The following GRHL2 variants were observed in gnomAD, a reference collection of about 807,000 sequenced individuals.
GRHL2 encodes the protein grainyhead-like protein 2 homolog.
Under a neutral mutation model 83.8 loss-of-function variants are expected in GRHL2, and 21 were observed. That is an observed-to-expected ratio of 0.25 (90% confidence interval 0.18 to 0.36). The LOEUF is 0.36. Among genes scored for constraint, GRHL2 ranks in the 10% least tolerant of loss-of-function variants. The probability of loss-of-function intolerance (pLI) is 1.00; values close to 1 mark genes in which losing one functional copy is unlikely to be tolerated. For missense variants in GRHL2, 623 were observed against 781.8 expected (o/e 0.80, Z 2.42); for synonymous variants, 280 against 278.9 (o/e 1.00, Z -0.04).
intron 7 of GRHL2, among the ~76,000 whole-genome samples, chr8:101,594,963 C>T (rs1462078696): frequency 1.3e-5 from 2 of 152,152 alleles, no homozygotes; most frequent in African/African-American, 4.8e-5. Context: ...AATGGAACCA[C>T]CCAATAAAAA....
rs1422002811 is a variant in GRHL2, at chr8:101,562,399, T to G, written c.678+3587T>G. On this transcript the variant is annotated intron_variant, in intron 4 of 15. Coordinates refer to ENST00000646743, the MANE Select transcript of GRHL2 (RefSeq NM_024915.4). ...TTTTATGACATTTAGATTTGCAAAA[T>G]CTGAACACCTTGCAATTATTGTGGA... is the stretch of plus-strand genomic sequence containing the variant. 4.9e-6 allele frequency: 3 copies of G among 614,494 alleles called. No individual in the cohort carries two copies. In the East Asian group the frequency reaches 1.0e-4, roughly 21 times the overall value. The allele number at this position is 614,494 out of a possible 1,614,324, so 38.1% of individuals were successfully genotyped here.
At chr8:101,546,199 G>A (rs1811262274) in intron 2 of GRHL2, among the ~76,000 whole-genome samples, 1 of 151,960 alleles carries the variant, frequency 6.6e-6, no homozygotes, top group Non-Finnish European at 1.5e-5. Flanking sequence ...CTTTTATAAT[G>A]TTAAATTAAT....
intron 1 of GRHL2, among the ~76,000 whole-genome samples, chr8:101,525,004 G>A (rs1016610120): frequency 2.6e-5 from 4 of 151,668 alleles, no homozygotes; most frequent in Admixed American, 2.0e-4. Flanking sequence ...GTGCAATGGC[G>A]CGATCTCGGC....
intron 1 of GRHL2, among the ~76,000 whole-genome samples, chr8:101,527,509 C>T (rs1343095324): frequency 1.3e-5 from 2 of 152,174 alleles, no homozygotes; most frequent in Non-Finnish European, 2.9e-5. Flanking sequence ...CCCACTACAC[C>T]TTTTAAACAA....
intron 7 of GRHL2, among the ~76,000 whole-genome samples, chr8:101,585,860 G>A (rs1586120431): frequency 1.3e-5 from 2 of 152,060 alleles, no homozygotes; most frequent in East Asian, 3.9e-4. Context: ...ACCTGTCTCA[G>A]GATGAATCCT....
At chr8:101,577,671 C>G in intron 7 of GRHL2, 152 bp downstream of exon 7, 1 of 691,044 alleles carries the variant, frequency 1.4e-6, no homozygotes, top group South Asian at 1.5e-5. Flanking sequence ...TAGTGCAGAT[C>G]AGACTGAGTA....
At chr8:101,539,279 T>C (rs1022413982) in intron 1 of GRHL2, among the ~76,000 whole-genome samples, 1 of 152,198 alleles carries the variant, frequency 6.6e-6, no homozygotes, top group African/African-American at 2.4e-5. Context: ...CAGAGTAAAA[T>C]CCTCATCCTT....
rs1407855384 is a variant in GRHL2, at chr8:101,624,353, A to G, written c.1257+4656A>G. 3.3e-5 allele frequency among the ~76,000 whole-genome samples: 5 copies of G among 151,352 alleles called. No individual in the cohort carries two copies. In the East Asian group the frequency reaches 7.9e-4, roughly 24 times the overall value. ...CTGGTAGGACAGTAGGACAGTACAC[A>G]GTAGAACAGTGTAGGGCAGTTCAGA... is the stretch of plus-strand genomic sequence containing the variant. On this transcript the variant is annotated intron_variant, in intron 9 of 15. Coordinates refer to ENST00000646743, the MANE Select transcript of GRHL2 (RefSeq NM_024915.4).
chr8:101,653,616 G>A (rs35365856), intron 14 of GRHL2, among the ~76,000 whole-genome samples: 60,057 of 151,846 alleles, frequency 0.4, 14,338 homozygotes, highest in African/African-American at 0.67. Context: ...GCTGGCATGC[G>A]CTGTAGTCCC....
intron 9 of GRHL2, among the ~76,000 whole-genome samples, chr8:101,630,285 TAAAC>T (rs990777575): frequency 2.0e-5 from 3 of 152,158 alleles, no homozygotes; most frequent in Admixed American, 6.6e-5. Context: ...GCCAATTTGA[TAAAC>T]AAAAAATATA....
At chr8:101,566,840 C>A (rs1811729999) in intron 4 of GRHL2, among the ~76,000 whole-genome samples, 1 of 151,924 alleles carries the variant, frequency 6.6e-6, no homozygotes, top group Admixed American at 6.6e-5. Context: ...AATGCCTGCA[C>A]ACAGTTTGTA....
chr8:101,607,467 G>A (rs1427665900), intron 8 of GRHL2, among the ~76,000 whole-genome samples: 1 of 152,150 alleles, frequency 6.6e-6, no homozygotes, highest in African/African-American at 2.4e-5. Flanking sequence ...TTCTCTTTCT[G>A]CTTACAAGAC....
intron 1 of GRHL2, among the ~76,000 whole-genome samples, chr8:101,500,621 A>C (rs1445122647): frequency 6.6e-6 from 1 of 152,042 alleles, no homozygotes; most frequent in Non-Finnish European, 1.5e-5. Context: ...CAGTTCTCCT[A>C]CCTCAGCCTC....
intron 8 of GRHL2, among the ~76,000 whole-genome samples, chr8:101,614,495 CAGAT>C (rs770478725): frequency 8.4e-5 from 12 of 143,438 alleles, no homozygotes; most frequent in Non-Finnish European, 1.6e-4. Flanking sequence ...GCTTGGGAGA[CAGAT>C]AGATTGTTCA....
intron 1 of GRHL2, among the ~76,000 whole-genome samples, chr8:101,498,374 C>G (rs947996348): frequency 2.0e-5 from 3 of 152,218 alleles, no homozygotes; most frequent in African/African-American, 7.2e-5. Flanking sequence ...CCCACCTTAG[C>G]CTCCCAAAGT....
At chr8:101,566,399 C>A (rs1586101586) in intron 4 of GRHL2, among the ~76,000 whole-genome samples, 1 of 26,764 alleles carries the variant, frequency 3.7e-5, no homozygotes, top group South Asian at 1.1e-3. Context: ...AACTTTGCAG[C>A]ACCATTTGAC....
At chr8:101,678,365 CT>C in the GRHL2 span, among the ~76,000 whole-genome samples, 7 of 152,138 alleles carry the variant, frequency 4.6e-5, no homozygotes, top group Non-Finnish European at 1.0e-4. Flanking sequence ...GAATACTGCG[CT>C]TTTCCGACGG....
chr8:101,658,771 T>C (rs1405500545), intron 14 of GRHL2, among the ~76,000 whole-genome samples: 1 of 152,218 alleles, frequency 6.6e-6, no homozygotes, highest in Non-Finnish European at 1.5e-5. Flanking sequence ...TATTTTATTT[T>C]TCCATTTTAT....
At chr8:101,623,318 A>G (rs1813000335) in intron 9 of GRHL2, among the ~76,000 whole-genome samples, 2 of 152,264 alleles carry the variant, frequency 1.3e-5, no homozygotes, top group Admixed American at 6.5e-5. Context: ...ACAGTAGGAC[A>G]GTACACAGTA....
Sources: allele counts gnomAD v4.1 joint callset (sites outside exome capture counted in the v4.1 genomes callset), GRCh38; gene constraint gnomAD v4.1.1; transcripts MANE v1.5; gene names NCBI Gene and HGNC (gene_info 2026-07-23, HGNC 2026-07-21).